The following VPS13D variants were observed in gnomAD, a reference collection of about 807,000 sequenced individuals.
VPS13D encodes the protein intermembrane lipid transfer protein VPS13D.
In VPS13D, 187 loss-of-function variants were observed where a neutral mutation model predicts 461.9. The ratio of observed to expected loss-of-function variants is 0.40; its 90% CI spans 0.36 to 0.46. The LOEUF (loss-of-function observed/expected upper bound fraction) is 0.46, where lower values mean the gene tolerates loss of function less well. Ranked by LOEUF, VPS13D falls within the 20% of genes least tolerant of loss-of-function variation. VPS13D has a pLI of 0.60. For synonymous variants in VPS13D, 1,951 were observed against 1,986.3 expected (o/e 0.98, Z 0.47); for missense variants, 4,711 against 5,364.9 (o/e 0.88, Z 3.81).
chr1:12,446,191 C>T (rs992304074), intron 65 of VPS13D, among the ~76,000 whole-genome samples: 6 of 151,980 alleles, frequency 3.9e-5, no homozygotes, highest in Admixed American at 6.6e-5. Flanking sequence ...CCAAGGTGGG[C>T]GGATCATGAG....
intron 65 of VPS13D, among the ~76,000 whole-genome samples, chr1:12,448,469 G>A (rs2100368986): frequency 6.6e-6 from 1 of 152,194 alleles, no homozygotes; most frequent in South Asian, 2.1e-4. Flanking sequence ...CATGCTTCAT[G>A]GGGTTTCAGC....
chr1:12,254,950 C>T (rs1307508727), intron 7 of VPS13D, among the ~76,000 whole-genome samples: 1 of 142,164 alleles, frequency 7.0e-6, no homozygotes, highest in East Asian at 2.0e-4. Context: ...TGGCTTTCTT[C>T]TTTTTTTTTT....
intron 13 of VPS13D, among the ~76,000 whole-genome samples, chr1:12,262,982 G>T (rs1197792239): frequency 6.6e-6 from 1 of 152,060 alleles, no homozygotes; most frequent in Non-Finnish European, 1.5e-5. Context: ...AGGATTACAG[G>T]CCTGAGCCAT....
chr1:12,472,555 A>T (rs1188044855), intron 67 of VPS13D, among the ~76,000 whole-genome samples: 1 of 152,204 alleles, frequency 6.6e-6, no homozygotes, highest in Non-Finnish European at 1.5e-5. Context: ...CTCAAGGCTT[A>T]CATTTCAGCG....
chr1:12,478,349 A>G (rs1050210765), intron 67 of VPS13D, among the ~76,000 whole-genome samples: 4 of 152,230 alleles, frequency 2.6e-5, no homozygotes, highest in African/African-American at 9.6e-5. Flanking sequence ...AGGAGATAAT[A>G]TGAGCCTTCG....
At chr1:12,231,849 A>G (rs1005163301) in intron 1 of VPS13D, among the ~76,000 whole-genome samples, 5 of 152,126 alleles carry the variant, frequency 3.3e-5, no homozygotes, top group African/African-American at 1.2e-4. Context: ...TTAGCCGGGG[A>G]TGGTGGCAGG....
rs765760135 is a variant in VPS13D, at chr1:12,299,189, C to T, written c.6034-13C>T. The T allele has an allele frequency of 6.5e-7, 1 of 1,547,856 alleles. No individual in the cohort carries two copies. Among genetic ancestry groups the T allele is most frequent in the Non-Finnish European group, 8.7e-7 (1 of 1,151,182 alleles). On this transcript the variant is annotated splice_polypyrimidine_tract_variant and intron_variant, in intron 24 of 69. Transcript: ENST00000620676. This position sits in a 1 kb window ranked among gnomAD's most constrained non-coding sequence, Gnocchi z 4.2. Reference sequence around the variant, plus strand: ...TTAATTATCCTCTGAGTCAGTTTTCCTTCCTCTTTCAGGTGAGAGATCAAG... The same window carrying T: ...TTAATTATCCTCTGAGTCAGTTTTCTTTCCTCTTTCAGGTGAGAGATCAAG...
In VPS13D at chr1:12,341,767, C is replaced by A. The variant is rs532062902; in HGVS notation, c.8627-13C>A. 6.2e-7 allele frequency: 1 copy of A among 1,612,948 alleles called. No individual in the cohort carries two copies. The highest frequency in any genetic ancestry group is 8.5e-7 in the Non-Finnish European group (1 of 1,179,104). The stretch of plus-strand genomic sequence containing the variant: ...AGGGGCGTCTGCTCATAGCCTTCTT[C>A]TGTTTGTCGTAGCAGAGGTGAAAAC... On this transcript the variant is annotated splice_polypyrimidine_tract_variant and intron_variant, in intron 40 of 69. Transcript: ENST00000620676.
In VPS13D at chr1:12,257,815, T is replaced by C. The variant is rs1472810493; in HGVS notation, c.942-120T>C. ...AAGACGAACTTAATATATAAACTGG[T>C]GGCTGACAAGAGAAAAGATGTCTCA... On this transcript the variant is annotated intron_variant, in intron 9 of 69. Transcript: ENST00000620676. 3 of 1,214,554 alleles carry C rather than the reference T, an allele frequency of 2.5e-6. No individual in the cohort carries two copies. The Admixed American group carries it at 6.4e-5, about 26-fold the overall frequency. 75.2% of individuals were successfully genotyped at this position (1,214,554 alleles called of 1,614,324 possible).
At chr1:12,244,651 G>A (rs1640489160) in intron 5 of VPS13D, 34 bp downstream of exon 5, 3 of 1,581,298 alleles carry the variant, frequency 1.9e-6, no homozygotes, top group Admixed American at 1.7e-5. Flanking sequence ...AAGTATCAAC[G>A]TGAAAGGGAT....
intron 64 of VPS13D, among the ~76,000 whole-genome samples, chr1:12,415,688 A>G (rs1346717071): frequency 1.3e-5 from 2 of 152,182 alleles, no homozygotes; most frequent in Non-Finnish European, 2.9e-5. Context: ...GCAAGGCATA[A>G]TCTTCAATGA....
chr1:12,322,197 C>G (rs2101530909), intron 33 of VPS13D, among the ~76,000 whole-genome samples: 1 of 152,274 alleles, frequency 6.6e-6, no homozygotes, highest in African/African-American at 2.4e-5. Context: ...TCCTGAGTAG[C>G]TGGGACTACA....
chr1:12,253,158 CAA>C lies in VPS13D; in HGVS notation c.565-548_565-547del, dbSNP rs35079980. Among the ~76,000 whole-genome samples, 761 of 85,846 alleles carry C rather than the reference CAA, an allele frequency of 8.9e-3. 6 individuals are homozygous for C. The highest frequency in any genetic ancestry group is 0.028 in the African/African-American group (652 of 23,430). The allele number at this position is 85,846 out of a possible 152,430, so 56.3% of individuals were successfully genotyped here. On this transcript the variant is annotated intron_variant, in intron 6 of 69. Transcript: ENST00000620676. ...GGGCAACAAGATCGAAACTCCATCTCAAAAAAAAAAAAAAAAATTCTGTATAA... is the reference window on the plus strand; with the variant it reads ...GGGCAACAAGATCGAAACTCCATCTCAAAAAAAAAAAAAAATTCTGTATAA...
intron 65 of VPS13D, among the ~76,000 whole-genome samples, chr1:12,449,502 G>A (rs1264445928): frequency 6.6e-6 from 1 of 151,810 alleles, no homozygotes; most frequent in Non-Finnish European, 1.5e-5. Flanking sequence ...GATATTCACT[G>A]CTTTTCAGGT....
chr1:12,288,220 TA>T lies in VPS13D; in HGVS notation c.5635-2del. 1 of 1,612,690 alleles carries T rather than the reference TA, an allele frequency of 6.2e-7. No individual in the cohort carries two copies. The highest frequency in any genetic ancestry group is 8.5e-7 in the Non-Finnish European group (1 of 1,178,824). ...GGCCTTGCTTTATCTTGTCTGTTCC[TA>T]GGTTCATTCACTTTCTCTAGTGCTG... is the stretch of plus-strand genomic sequence containing the variant. On this transcript the variant is annotated splice_acceptor_variant, in intron 21 of 69. Transcript: ENST00000620676. LOFTEE classifies it high-confidence loss of function.
intron 9 of VPS13D, 45 bp downstream of exon 9, chr1:12,257,132 T>A (rs1456427885): frequency 1.3e-6 from 2 of 1,541,482 alleles, no homozygotes; most frequent in Non-Finnish European, 1.8e-6. Context: ...TTAGAGCCTG[T>A]TCTTGCTATG....
rs994226442 is a variant in VPS13D at position 12,495,535 on chromosome 1, A to T, written c.12663-1965A>T. On this transcript the variant is annotated intron_variant, in intron 67 of 69. Coordinates refer to ENST00000620676, the MANE Select transcript of VPS13D (RefSeq NM_015378.4). The surrounding 1 kb of genome is among the most constrained non-coding windows in gnomAD (Gnocchi z 4.0). ...AGGATGGAAGGAAAGAGAACAAATT[A>T]TGAGACTACTGTAATAATATATTAC... Among the ~76,000 whole-genome samples, 2 of 152,326 alleles carry T rather than the reference A, an allele frequency of 1.3e-5. No homozygotes were observed. Among genetic ancestry groups the T allele is most frequent in the Non-Finnish European group, 1.5e-5 (1 of 68,038 alleles).
intron 33 of VPS13D, 110 bp from the exon 34 acceptor site, chr1:12,322,426 C>T (rs924184225): frequency 9.3e-5 from 95 of 1,018,408 alleles, no homozygotes; most frequent in Non-Finnish European, 1.2e-4. Flanking sequence ...AAATTTGGTG[C>T]AGTATCTGTT....
intron 34 of VPS13D, 140 bp downstream of exon 34, chr1:12,322,886 ACT>A (rs1446174167): frequency 2.1e-5 from 15 of 712,694 alleles, no homozygotes; most frequent in African/African-American, 3.6e-5. Context: ...CCTAAGTATG[ACT>A]CTCTCATTTT....
Sources: allele counts gnomAD v4.1 joint callset (sites outside exome capture counted in the v4.1 genomes callset), GRCh38; gene constraint gnomAD v4.1.1; non-coding constraint Gnocchi (gnomAD v3.1); transcripts MANE v1.5; gene names NCBI Gene and HGNC (gene_info 2026-07-23, HGNC 2026-07-21).